ATAD2B: variants seen among roughly 807,000 people sequenced by gnomAD.
ATAD2B encodes ATPase family AAA domain containing 2B.
In ATAD2B, 40 loss-of-function variants were observed where a neutral mutation model predicts 167.6. The observed-to-expected ratio is 0.24, with a 90% confidence interval of 0.19 to 0.31. The LOEUF (loss-of-function observed/expected upper bound fraction) is 0.31, where lower values mean the gene tolerates loss of function less well. Among genes scored for constraint, ATAD2B ranks in the 10% least tolerant of loss-of-function variants. The probability of loss-of-function intolerance (pLI) is 1.00; values close to 1 mark genes in which losing one functional copy is unlikely to be tolerated. For synonymous variants in ATAD2B, 579 were observed against 596.5 expected (o/e 0.97, Z 0.43); for missense variants, 1,242 against 1,757.2 (o/e 0.71, Z 5.24).
intron 10 of ATAD2B, chr2:23,865,974 C>T (rs1221247849): frequency 1.0e-6 from 1 of 954,454 alleles, no homozygotes; most frequent in African/African-American, 1.8e-5. Flanking sequence ...TGTTATGGTA[C>T]TTGAAAATGT....
At chr2:23,745,851 T>C (rs1674850573), downstream of ATAD2B, among the ~76,000 whole-genome samples, 2 of 152,248 alleles carry the variant, frequency 1.3e-5, no homozygotes, top group Admixed American at 1.3e-4. Flanking sequence ...AGCAAGGACC[T>C]TGCTGTCCTG....
At chr2:23,902,123 T>A (rs1470159804) in intron 1 of ATAD2B, among the ~76,000 whole-genome samples, 1 of 152,116 alleles carries the variant, frequency 6.6e-6, no homozygotes, top group African/African-American at 2.4e-5. Flanking sequence ...TCTCTGGAGG[T>A]GAAACGTTTT....
chr2:23,697,137 G>C, the ATAD2B span: 5 of 152,516 alleles, frequency 3.3e-5, no homozygotes, highest in African/African-American at 1.2e-4. Context: ...AAAGGACCAC[G>C]TGTGAACCTG....
chr2:23,857,639 C>T (rs1351337039), intron 12 of ATAD2B, 136 bp from the exon 13 acceptor site: 1 of 390,758 alleles, frequency 2.6e-6, no homozygotes, highest in Admixed American at 4.8e-5. Flanking sequence ...ACGAGGAAAT[C>T]TTACCACCCA....
In ATAD2B at chr2:23,875,835, T is replaced by A; in HGVS notation, c.971A>T (p.His324Leu). 1 of 1,606,432 alleles carries A rather than the reference T, an allele frequency of 6.2e-7. No homozygotes were observed. Among genetic ancestry groups the A allele is most frequent in the Admixed American group, 1.7e-5 (1 of 59,354 alleles). ...DIHRSPARRS[H>L]IRRKKHAIHS... ...TTTCAAAAACAAACCTTACCTAATA[T>A]GGCTTCTTCTTGCTGGAGATCTATG... Residue 324 changes from histidine to leucine, a missense_variant, in exon 8 of 28, where the codon CAT (histidine) becomes CTT (leucine). Physicochemically the swap from His to Leu is moderately conservative, Grantham distance 99. Coordinates refer to ENST00000238789, the MANE Select transcript of ATAD2B (RefSeq NM_017552.4).
chr2:23,746,238 A>G (rs1051160372), downstream of ATAD2B, among the ~76,000 whole-genome samples: 5 of 152,196 alleles, frequency 3.3e-5, no homozygotes, highest in Admixed American at 6.5e-5. Flanking sequence ...ATAGTGATTA[A>G]AAGCATCAAC....
intron 10 of ATAD2B, among the ~76,000 whole-genome samples, chr2:23,865,361 T>C (rs912520987): frequency 3.9e-5 from 6 of 152,028 alleles, no homozygotes; most frequent in Admixed American, 1.3e-4. Context: ...AAACACCATC[T>C]CTACTAAAAA....
At chr2:23,913,255 T>G (rs1260029152) in intron 1 of ATAD2B, among the ~76,000 whole-genome samples, 1 of 152,156 alleles carries the variant, frequency 6.6e-6, no homozygotes, top group East Asian at 1.9e-4. Flanking sequence ...AAGTGAGAGA[T>G]GTTCCATGCT....
Position 23,754,590 on chromosome 2 carries a change from A to T in ATAD2B, c.4206+57T>A, listed in dbSNP as rs536711059. ...ACTACTTTTACTCAACTGCCTACAA[A>T]CACATTCAAATCTCCGTCCATTCAT... is the stretch of plus-strand genomic sequence containing the variant. On this transcript the variant is annotated intron_variant, in intron 26 of 27. Transcript: ENST00000238789. 2.0e-5 allele frequency: 31 copies of T among 1,584,028 alleles called. 1 individual carries two copies. The Middle Eastern group carries it at 8.5e-4, about 43-fold the overall frequency.
chr2:23,895,934 C>G lies in ATAD2B; in HGVS notation c.253G>C (p.Val85Leu). 6.2e-7 allele frequency: 1 copy of G among 1,613,026 alleles called. No individual in the cohort carries two copies. ...EVDGSLSDSHVSPPAKRTLKQ... is the reference protein window; with the variant it reads ...EVDGSLSDSHLSPPAKRTLKQ... ...AAAGTGCGTTTGGCTGGAGGAGATACGTGGCTATCACTTAAACTACCATCA... is the reference window on the plus strand; with the variant it reads ...AAAGTGCGTTTGGCTGGAGGAGATAGGTGGCTATCACTTAAACTACCATCA... The change falls in exon 2 of 28, where the codon GTA (valine) becomes CTA (leucine). Residue 85 changes from valine (V) to leucine (L), a missense_variant. Around this residue, in one of 9 missense-constraint regions of ATAD2B, gnomAD observed 199 missense variants for 194.9 expected, o/e 1.02. Transcript: ENST00000238789.
chr2:23,788,988 A>T (rs1476940538), intron 19 of ATAD2B, among the ~76,000 whole-genome samples: 1 of 152,076 alleles, frequency 6.6e-6, no homozygotes, highest in Non-Finnish European at 1.5e-5. Context: ...ATTACTTCGA[A>T]TCTATAATAG....
At chr2:23,906,734 C>A (rs1558776956) in intron 1 of ATAD2B, among the ~76,000 whole-genome samples, 3 of 151,930 alleles carry the variant, frequency 2.0e-5, no homozygotes, top group South Asian at 2.1e-4. Flanking sequence ...TACTGGCAAA[C>A]TGAATCCAGC....
intron 13 of ATAD2B, among the ~76,000 whole-genome samples, chr2:23,838,376 TTCAGACGATAAAGTC>T (rs927839060): frequency 6.6e-6 from 1 of 152,190 alleles, no homozygotes; most frequent in African/African-American, 2.4e-5. Flanking sequence ...CTGAAAAGTC[TTCAGACGATAAAGTC>T]TCAGACATGG....
chr2:23,804,017 C>T (rs1683931730), intron 18 of ATAD2B, among the ~76,000 whole-genome samples: 1 of 152,082 alleles, frequency 6.6e-6, no homozygotes. Flanking sequence ...GACTAGCTGC[C>T]AAGAAAGGTG....
At chr2:23,907,103 G>A (rs1458589889) in intron 1 of ATAD2B, among the ~76,000 whole-genome samples, 54 of 151,088 alleles carry the variant, frequency 3.6e-4, no homozygotes, top group African/African-American at 1.3e-3. Flanking sequence ...ACATAGTGTT[G>A]GAAGTTCTGG....
At position 23,887,968 on chromosome 2, in the gene ATAD2B, G is replaced by A; in HGVS notation, c.436C>T (p.Leu146Phe). The part of the protein sequence containing the change: ...HSGLSLRSHP[L>F]RGEKKGDGDL... ...CCATCTCCCTTCTTTTCCCCTCGAAGGGGATGGCTTCGAAGGGCTACAAGA... is the reference window on the plus strand; with the variant it reads ...CCATCTCCCTTCTTTTCCCCTCGAAAGGGATGGCTTCGAAGGGCTACAAGA... The change falls in exon 4 of 28, where the codon CTT becomes TTT. Residue 146 changes from leucine (L) to phenylalanine (F), a missense_variant. Physicochemically the swap from Leu to Phe is conservative, Grantham distance 22. Around this residue, in one of 9 missense-constraint regions of ATAD2B, gnomAD observed 199 missense variants for 194.9 expected, o/e 1.02. Coordinates refer to ENST00000238789, the MANE Select transcript of ATAD2B (RefSeq NM_017552.4). The A allele has an allele frequency of 1.9e-6, 3 of 1,597,640 alleles. No homozygotes were observed. The highest frequency in any genetic ancestry group is 2.6e-6 in the Non-Finnish European group (3 of 1,174,176).
At chr2:23,691,220 G>A in the ATAD2B span, 3 of 219,450 alleles carry the variant, frequency 1.4e-5, no homozygotes, top group Non-Finnish European at 1.8e-5. Context: ...GATATCTCTG[G>A]ATTGGCTGGC....
chr2:23,914,147 G>T (rs141228136), intron 1 of ATAD2B, among the ~76,000 whole-genome samples: 1 of 152,202 alleles, frequency 6.6e-6, no homozygotes, highest in East Asian at 1.9e-4. Context: ...CAGACCAACA[G>T]AAAAGAACAG....
intron 13 of ATAD2B, among the ~76,000 whole-genome samples, chr2:23,844,856 T>C (rs1691489377): frequency 6.6e-6 from 1 of 151,424 alleles, no homozygotes; most frequent in Non-Finnish European, 1.5e-5. Context: ...TTTACAAGTT[T>C]GATGAAAAAC....
Sources: gnomAD v4.1 joint callset for allele counts (sites outside exome capture counted in the v4.1 genomes callset) on GRCh38, gnomAD v4.1.1 for gene constraint, gnomAD v4.1.1 regional missense constraint, MANE v1.5 for transcripts, NCBI Gene and HGNC (gene_info 2026-07-23, HGNC 2026-07-21) for gene names.